The following EPM2A variants were observed in gnomAD, a reference collection of about 807,000 sequenced individuals.
The protein encoded by EPM2A is laforin.
EPM2A carries 21 observed loss-of-function variants against 26.5 expected under a neutral mutation model. The ratio of observed to expected loss-of-function variants is 0.79; its 90% CI spans 0.56 to 1.14. The LOEUF is 1.14. Among genes scored for constraint, EPM2A ranks in the 50% most tolerant of loss-of-function variants. The pLI, the probability that EPM2A is intolerant of heterozygous loss-of-function variation, is 0.00. For synonymous variants in EPM2A, 217 were observed against 177.6 expected (o/e 1.22, Z -1.76); for missense variants, 458 against 440.8 (o/e 1.04, Z -0.35).
intron 4 of EPM2A, among the ~76,000 whole-genome samples, chr6:145,494,044 C>A (rs1370184103): frequency 1.3e-5 from 2 of 152,146 alleles, no homozygotes; most frequent in Non-Finnish European, 2.9e-5. Flanking sequence ...TTTAAAATAG[C>A]ATCAGTAGGG....
intron 2 of EPM2A, among the ~76,000 whole-genome samples, chr6:145,662,518 T>C (rs1469917897): frequency 6.6e-6 from 1 of 152,150 alleles, no homozygotes; most frequent in Non-Finnish European, 1.5e-5. Flanking sequence ...CTGATCATGA[T>C]AGGTACAGAG....
chr6:145,412,676 A>G (rs993740124), intron 4 of EPM2A, among the ~76,000 whole-genome samples: 19 of 152,220 alleles, frequency 1.2e-4, no homozygotes, highest in African/African-American at 4.6e-4. Context: ...GAGGGATTGA[A>G]CAAGTGGATT....
chr6:145,671,194 T>TAA lies in EPM2A; in HGVS notation c.476+14926_476+14927dup, dbSNP rs560059399. On this transcript the variant is annotated intron_variant, in intron 2 of 3. Coordinates refer to ENST00000367519, the MANE Select transcript of EPM2A (RefSeq NM_005670.4). ...GTTTGATTTATAAATGCGAGCAAAG[T>TAA]AAAAAAAAAAAAATCTTATCATTAT... The TAA allele has an allele frequency of 3.7e-5, 30 of 813,102 alleles. No individual in the cohort carries two copies. The East Asian group carries it at 4.4e-4, about 12-fold the overall frequency. The allele number at this position is 813,102 out of a possible 1,614,324, so 50.4% of individuals were successfully genotyped here.
chr6:145,698,605 T>C (rs1158807505), intron 1 of EPM2A, among the ~76,000 whole-genome samples: 1 of 106,826 alleles, frequency 9.4e-6, no homozygotes, highest in Non-Finnish European at 2.1e-5. Flanking sequence ...TGAAGAAACA[T>C]AATAGAAAAA....
At chr6:145,430,620 C>A (rs915062804) in intron 4 of EPM2A, among the ~76,000 whole-genome samples, 1 of 151,122 alleles carries the variant, frequency 6.6e-6, no homozygotes, top group Non-Finnish European at 1.5e-5. Context: ...AAAAAAGAAC[C>A]ATTAATAGCA....
intron 4 of EPM2A, among the ~76,000 whole-genome samples, chr6:145,484,638 A>C (rs56220011): frequency 6.6e-6 from 1 of 152,060 alleles, no homozygotes. Context: ...ATCATGCAAA[A>C]GACAGACATA....
intron 1 of EPM2A, among the ~76,000 whole-genome samples, chr6:145,718,783 G>A (rs1423231136): frequency 4.6e-5 from 7 of 151,806 alleles, no homozygotes; most frequent in Middle Eastern, 3.2e-3. Context: ...CACAAAAAAC[G>A]AACAACCCCA....
intron 3 of EPM2A, 34 bp from the exon 4 acceptor site, chr6:145,627,727 AAC>A (rs1208627790): frequency 6.2e-7 from 1 of 1,610,790 alleles, no homozygotes; most frequent in Non-Finnish European, 8.5e-7. Flanking sequence ...ACATGTGAAT[AAC>A]TAAACCACCA....
chr6:145,706,558 A>C (rs1782233404), intron 1 of EPM2A, among the ~76,000 whole-genome samples: 1 of 152,172 alleles, frequency 6.6e-6, no homozygotes, highest in Non-Finnish European at 1.5e-5. Flanking sequence ...TACTAAATCC[A>C]ATCAACACTG....
intron 2 of EPM2A, among the ~76,000 whole-genome samples, chr6:145,647,805 A>G (rs1407566498): frequency 6.6e-6 from 1 of 152,196 alleles, no homozygotes; most frequent in Non-Finnish European, 1.5e-5. Context: ...AGCTATCATC[A>G]ATTGAAAAGC....
At chr6:145,628,778 T>C (rs1582916645) in intron 3 of EPM2A, 1 of 152,206 alleles carries the variant, frequency 6.6e-6, no homozygotes, top group Admixed American at 6.5e-5. Context: ...CCTCGAAAGA[T>C]TTCACCTGGG....
At chr6:145,525,761 T>C (rs1780262770) in intron 2 of EPM2A, among the ~76,000 whole-genome samples, 1 of 152,130 alleles carries the variant, frequency 6.6e-6, no homozygotes, top group African/African-American at 2.4e-5. Flanking sequence ...TTTGACTTAT[T>C]TCCTATTTGG....
At chr6:145,711,548 C>T (rs1318141560) in intron 1 of EPM2A, among the ~76,000 whole-genome samples, 1 of 152,090 alleles carries the variant, frequency 6.6e-6, no homozygotes, top group African/African-American at 2.4e-5. Flanking sequence ...AGAGATACAA[C>T]ATCCTAGGAT....
intron 2 of EPM2A, among the ~76,000 whole-genome samples, chr6:145,505,151 C>T (rs1398117234): frequency 5.5e-5 from 8 of 145,016 alleles, no homozygotes; most frequent in African/African-American, 2.0e-4. Flanking sequence ...TGCTAGATGA[C>T]GCGTTAGTGG....
intron 2 of EPM2A, among the ~76,000 whole-genome samples, chr6:145,528,873 C>A (rs1008862245): frequency 1.3e-5 from 2 of 151,996 alleles, no homozygotes; most frequent in African/African-American, 4.8e-5. Context: ...ATTCTAGATG[C>A]CATGAAGAAC....
intron 2 of EPM2A, among the ~76,000 whole-genome samples, chr6:145,600,022 T>C (rs1353708211): frequency 6.6e-6 from 1 of 152,214 alleles, no homozygotes; most frequent in Non-Finnish European, 1.5e-5. Context: ...CATTTCTGGA[T>C]ATAAAAATGA....
intron 4 of EPM2A, among the ~76,000 whole-genome samples, chr6:145,425,631 CAAAAA>C (rs35954002): frequency 3.6e-5 from 5 of 137,148 alleles, no homozygotes; most frequent in Admixed American, 7.3e-5. Context: ...TTGAGAATGG[CAAAAA>C]AAAAAAAAAA....
intron 4 of EPM2A, among the ~76,000 whole-genome samples, chr6:145,436,821 TTA>T (rs1197251408): frequency 6.6e-6 from 1 of 152,114 alleles, no homozygotes; most frequent in Non-Finnish European, 1.5e-5. Context: ...AGTGAATTTT[TTA>T]TTTTATTTGT....
chr6:145,635,468 C>G lies in EPM2A; in HGVS notation c.495G>C (p.Trp165Cys), dbSNP rs781291421. Residue 165 changes from tryptophan to cysteine, a missense_variant, in exon 3 of 4, where the codon TGG becomes TGC. Transcript: ENST00000367519. Reference protein sequence around the residue: ...MHYSRILPNIWLGSCPRQVEH... With the variant: ...MHYSRILPNICLGSCPRQVEH... ...CCACCTGACGAGGGCAGCTACCCAG[C>G]CAGATATTTGGTAGAATTCTAATGA... 6.2e-7 allele frequency: 1 copy of G among 1,613,866 alleles called. No individual in the cohort carries two copies. The highest frequency in any genetic ancestry group is 1.7e-5 in the Admixed American group (1 of 59,994).
Sources: gnomAD v4.1 joint callset for allele counts (sites outside exome capture counted in the v4.1 genomes callset) on GRCh38, gnomAD v4.1.1 for gene constraint, MANE v1.5 for transcripts, NCBI Gene and HGNC (gene_info 2026-07-23, HGNC 2026-07-21) for gene names.